The following ARRDC1 variants were observed in gnomAD, a reference collection of about 807,000 sequenced individuals.
ARRDC1 encodes the protein arrestin domain-containing protein 1.
ARRDC1 carries 37 observed loss-of-function variants against 40.1 expected under a neutral mutation model. The ratio of observed to expected loss-of-function variants is 0.92; its 90% CI spans 0.71 to 1.21. The LOEUF (loss-of-function observed/expected upper bound fraction) is 1.21, where lower values mean the gene tolerates loss of function less well. ARRDC1 is among the 50% of genes most tolerant of loss of function. The pLI is 0.00. For missense variants in ARRDC1, 641 were observed against 581.9 expected (o/e 1.10, Z -1.04); for synonymous variants, 310 against 262.5 (o/e 1.18, Z -1.75).
rs181758160 is a variant in ARRDC1, at chr9:137,609,975, G to A, written c.119-2921G>A. ...ACTACAGGCGCCCGCCACCACACCC[G>A]GCTAATTTTTTGTATTTTTAGTAGA... On this transcript the variant is annotated intron_variant, in intron 1 of 7. Transcript: ENST00000371421. Among the ~76,000 whole-genome samples, 1,404 of 152,028 alleles carry A rather than the reference G, an allele frequency of 9.2e-3. 22 individuals carry two copies. The highest frequency in any genetic ancestry group is 0.032 in the African/African-American group (1,347 of 41,468).
intron 1 of ARRDC1, among the ~76,000 whole-genome samples, chr9:137,607,181 C>T (rs1364039620): frequency 6.6e-6 from 1 of 152,244 alleles, no homozygotes; most frequent in African/African-American, 2.4e-5. Context: ...CCAGAGAGCA[C>T]ATGATTCAGG....
intron 1 of ARRDC1, 137 bp from the exon 2 acceptor site, chr9:137,612,759 G>A: frequency 1.6e-6 from 1 of 643,338 alleles, no homozygotes; most frequent in Non-Finnish European, 2.8e-6. Context: ...GAAGTGGCAT[G>A]GGCTGCTTGC....
chr9:137,610,008 G>T (rs1336185153), intron 1 of ARRDC1, among the ~76,000 whole-genome samples: 1 of 151,672 alleles, frequency 6.6e-6, no homozygotes, highest in Non-Finnish European at 1.5e-5. Context: ...AGAGACGGGG[G>T]TTTCACCGTG....
chr9:137,614,867 C>T lies in ARRDC1; in HGVS notation c.1104C>T (p.His368=). The T allele has an allele frequency of 6.2e-7, 1 of 1,613,700 alleles. No homozygotes were observed. The highest frequency in any genetic ancestry group is 1.6e-4 in the Middle Eastern group (1 of 6,062). ...PCPQDGSPAS[H]PLHPPLCIST... is the part of the protein sequence containing the mutation. ...CTCAGGATGGCAGCCCTGCCTCACA[C>T]CCGCTGCACCCTCCCTTGTGCATTT... is the stretch of plus-strand genomic sequence containing the variant. The change falls in exon 7 of 8, where the codon CAC becomes CAT. Residue 368 remains histidine, a synonymous_variant. Coordinates refer to ENST00000371421, the MANE Select transcript of ARRDC1 (RefSeq NM_152285.4).
At chr9:137,613,134 G>A (rs755871185) in intron 2 of ARRDC1, 128 bp downstream of exon 2, 6 of 848,214 alleles carry the variant, frequency 7.1e-6, no homozygotes, top group African/African-American at 1.7e-5. Context: ...TCTTGTCCCA[G>A]GGTTGTGGGC....
In ARRDC1 at chr9:137,612,935, A is replaced by G; in HGVS notation, c.158A>G (p.Asn53Ser). 1 of 1,614,166 alleles carries G rather than the reference A, an allele frequency of 6.2e-7. No homozygotes were observed. Among genetic ancestry groups the G allele is most frequent in the Non-Finnish European group, 8.5e-7 (1 of 1,179,994 alleles). ...VTCIGSCGVS[N>S]KANDTAWVVE... ...TGCATAGGTTCCTGCGGGGTCTCCA[A>G]CAAGGCTAATGACACAGCGTGGGTA... Residue 53 changes from asparagine (N) to serine (S), a missense_variant, in exon 2 of 8, where the codon AAC becomes AGC. By Grantham distance (46) the Asn-to-Ser change is conservative. Transcript: ENST00000371421.
chr9:137,609,584 G>A (rs1564499522), intron 1 of ARRDC1, among the ~76,000 whole-genome samples: 1 of 151,278 alleles, frequency 6.6e-6, no homozygotes, highest in African/African-American at 2.4e-5. Flanking sequence ...CACCCAGACT[G>A]GAGTGCAGTG....
At chr9:137,607,181 CAT>C (rs923876692) in intron 1 of ARRDC1, among the ~76,000 whole-genome samples, 1 of 152,244 alleles carries the variant, frequency 6.6e-6, no homozygotes, top group Non-Finnish European at 1.5e-5. Flanking sequence ...CCAGAGAGCA[CAT>C]GATTCAGGCT....
chr9:137,606,608 T>A (rs895104682), intron 1 of ARRDC1, among the ~76,000 whole-genome samples: 2 of 152,230 alleles, frequency 1.3e-5, no homozygotes, highest in Non-Finnish European at 2.9e-5. Flanking sequence ...CTCAGCCTCC[T>A]GGGACAGGTG....
chr9:137,613,994 G>A lies in ARRDC1; in HGVS notation c.436-38G>A, dbSNP rs45535834. On this transcript the variant is annotated intron_variant, in intron 4 of 7. Transcript: ENST00000371421. Reference sequence around the variant, plus strand: ...CCAATGCCACAGGGATCCAGCCTGCGCACACCTGCTAAGCCCCTCCCTGGC... The same window carrying A: ...CCAATGCCACAGGGATCCAGCCTGCACACACCTGCTAAGCCCCTCCCTGGC... 683 of 1,608,790 alleles carry A rather than the reference G, an allele frequency of 4.2e-4. 1 individual carries two copies. The highest frequency in any genetic ancestry group is 5.3e-4 in the Non-Finnish European group (622 of 1,177,170).
chr9:137,611,382 C>T (rs1333315147), intron 1 of ARRDC1: 1 of 152,230 alleles, frequency 6.6e-6, no homozygotes, highest in African/African-American at 2.4e-5. Flanking sequence ...AACCCTGTCT[C>T]TATAAGAAAA....
At position 137,615,023 on chromosome 9, in the gene ARRDC1, G is replaced by A. The variant is rs779906135; in HGVS notation, c.1237+23G>A. 5.0e-6 allele frequency: 8 copies of A among 1,612,280 alleles called. No individual in the cohort carries two copies. In the Admixed American group the frequency reaches 6.7e-5, roughly 13 times the overall value. On this transcript the variant is annotated intron_variant, in intron 7 of 7. Coordinates refer to ENST00000371421, the MANE Select transcript of ARRDC1 (RefSeq NM_152285.4). ...ATGGTGAGTCGACAGCCAGGGCTTGGCAGGGAGGGGACGCCAAGAGCCCCA... is the reference window on the plus strand; with the variant it reads ...ATGGTGAGTCGACAGCCAGGGCTTGACAGGGAGGGGACGCCAAGAGCCCCA...
chr9:137,614,151 G>A lies in ARRDC1; in HGVS notation c.555G>A (p.Leu185=). 6.2e-7 allele frequency: 1 copy of A among 1,612,680 alleles called. No individual in the cohort carries two copies. Among genetic ancestry groups the A allele is most frequent in the Non-Finnish European group, 8.5e-7 (1 of 1,179,226 alleles). The change falls in exon 5 of 8, where the codon CTG becomes CTA. Residue 185 remains leucine (L), a synonymous_variant. Transcript: ENST00000371421. ...RGYVVGQALQ[L]HADVENQSGK... The stretch of plus-strand genomic sequence containing the variant: ...ATGTGGTGGGGCAGGCACTGCAGCT[G>A]CATGCCGACGTTGAGAACCAGTCAG...
intron 1 of ARRDC1, among the ~76,000 whole-genome samples, chr9:137,608,901 T>C (rs1216305328): frequency 6.6e-6 from 1 of 152,220 alleles, no homozygotes; most frequent in East Asian, 1.9e-4. Flanking sequence ...AGAGCCTTGG[T>C]GTATGTGCAA....
intron 1 of ARRDC1, among the ~76,000 whole-genome samples, chr9:137,607,257 T>A (rs921226278): frequency 6.6e-6 from 1 of 152,184 alleles, no homozygotes; most frequent in Non-Finnish European, 1.5e-5. Context: ...CTGCCTGGGA[T>A]GGGAACAGAA....
intron 2 of ARRDC1, 43 bp downstream of exon 2, chr9:137,613,049 A>C (rs1842565511): frequency 1.2e-5 from 18 of 1,463,924 alleles, no homozygotes; most frequent in Non-Finnish European, 1.7e-5. Flanking sequence ...CCCTGGGGGC[A>C]GCCCTTGGAG....
Position 137,614,562 on chromosome 9 carries a change from T to A in ARRDC1, c.799T>A (p.Ser267Thr). The A allele has an allele frequency of 2.5e-6, 4 of 1,613,036 alleles. No individual in the cohort carries two copies. The highest frequency in any genetic ancestry group is 3.4e-6 in the Non-Finnish European group (4 of 1,179,914). ...GCCCCACCTCAATCCTGTCCAGGTC[T>A]CTCTGAAGGCGCCGGAAGCTACTGT... ...LIHIDYYLQV[S>T]LKAPEATVTL... Residue 267 changes from serine (S) to threonine (T), a missense_variant, in exon 7 of 8, where the codon TCT becomes ACT. Physicochemically the swap from Ser to Thr is moderately conservative, Grantham distance 58 (BLOSUM62 1). Coordinates refer to ENST00000371421, the MANE Select transcript of ARRDC1 (RefSeq NM_152285.4).
chr9:137,613,406 ACCT>A, intron 2 of ARRDC1, 51 bp from the exon 3 acceptor site: 1 of 1,552,954 alleles, frequency 6.4e-7, no homozygotes, highest in Middle Eastern at 2.2e-4. Context: ...CCCTGTGGCC[ACCT>A]CAGGCCACCT....
chr9:137,606,361 C>A (rs1842423599), intron 1 of ARRDC1, among the ~76,000 whole-genome samples: 1 of 152,182 alleles, frequency 6.6e-6, no homozygotes, highest in South Asian at 2.1e-4. Flanking sequence ...GCTGGCAGGG[C>A]GCCCTGGAGG....
Sources: gnomAD v4.1 joint callset for allele counts (sites outside exome capture counted in the v4.1 genomes callset) on GRCh38, gnomAD v4.1.1 for gene constraint, MANE v1.5 for transcripts, NCBI Gene and HGNC (gene_info 2026-07-23, HGNC 2026-07-21) for gene names.